Variants in CYSLTR2 observed in about 807,000 individuals in gnomAD.
CYSLTR2 encodes cysteinyl leukotriene receptor 2, also known as G-protein coupled receptor GPCR21.
For missense variants in CYSLTR2, 398 were observed against 411.9 expected, an observed-to-expected ratio of 0.97 and a Z score of 0.29; for synonymous variants, 179 against 160.8, an observed-to-expected ratio of 1.11 and a Z score of -0.86.
In CYSLTR2 at chr13:48,707,877, C is replaced by A. The variant is rs1483645185; in HGVS notation, c.*19C>A. Reference sequence around the variant, plus strand: ...AGTATAAGGAGCTCTTAGATGAGACCTGTTCTTGTATCCTTGTGTCCATCT... The same window carrying A: ...AGTATAAGGAGCTCTTAGATGAGACATGTTCTTGTATCCTTGTGTCCATCT... On this transcript the variant is annotated 3_prime_UTR_variant, in exon 5 of 5. Transcript: ENST00000682523. The A allele has an allele frequency of 6.7e-7, 1 of 1,500,290 alleles. No homozygotes were observed. Among genetic ancestry groups the A allele is most frequent in the East Asian group, 2.3e-5 (1 of 43,840 alleles). The allele number at this position is 1,500,290 out of a possible 1,614,324, so 92.9% of individuals were successfully genotyped here. A position where few individuals can be genotyped will look rare whatever the true frequency, so the allele number is the denominator to read the frequency against.
At position 48,680,795 on chromosome 13, in the gene CYSLTR2, CTTTTCTT is replaced by C. The variant is rs1375288419; in HGVS notation, c.-265-10412_-265-10406del. 1.2e-3 allele frequency among the ~76,000 whole-genome samples: 128 copies of C among 110,572 alleles called. No individual in the cohort carries two copies. In the Middle Eastern group the frequency reaches 0.021, roughly 18 times the overall value. 72.5% of individuals were successfully genotyped at this position (110,572 alleles called of 152,430 possible). A position where few individuals can be genotyped will look rare whatever the true frequency, so the allele number is the denominator to read the frequency against. ...TTCTTTTCTTTCTTTCTTTTCTTTT[CTTTTCTT>C]TTTTTTTTTTTTTTTTTTGCAGTCT... On this transcript the variant is annotated intron_variant, in intron 1 of 4. Transcript: ENST00000682523.
intron 1 of CYSLTR2, among the ~76,000 whole-genome samples, chr13:48,669,394 A>G (rs2138843911): frequency 6.6e-6 from 1 of 152,050 alleles, no homozygotes; most frequent in South Asian, 2.1e-4. Context: ...CATCCTCTAC[A>G]TTAGGTATTT....
At chr13:48,681,569 C>T (rs1448175892) in intron 1 of CYSLTR2, among the ~76,000 whole-genome samples, 1 of 152,162 alleles carries the variant, frequency 6.6e-6, no homozygotes, top group East Asian at 1.9e-4. Context: ...TGTTTTTGGT[C>T]TACCTGCTCC....
At chr13:48,654,249 CTTTGTGTGTGTGTGTGTG>C (rs1470901255) in intron 1 of CYSLTR2, among the ~76,000 whole-genome samples, 1 of 132,172 alleles carries the variant, frequency 7.6e-6, no homozygotes, top group African/African-American at 2.8e-5. Flanking sequence ...GGGATCGTCC[CTTTGTGTGTGTGTGTGTG>C]TGTGTGTGTG....
intron 4 of CYSLTR2, among the ~76,000 whole-genome samples, chr13:48,700,861 AACAG>A (rs890251804): frequency 2.0e-5 from 3 of 152,210 alleles, no homozygotes; most frequent in African/African-American, 7.2e-5. Context: ...ATATGCTAAT[AACAG>A]ACAAACAAAG....
chr13:48,686,853 A>G (rs1408712994), intron 1 of CYSLTR2, among the ~76,000 whole-genome samples: 2 of 152,198 alleles, frequency 1.3e-5, no homozygotes, highest in Non-Finnish European at 2.9e-5. Context: ...CATTGCTTGC[A>G]TAGTCAAGTC....
Position 48,704,841 on chromosome 13 carries a change from G to A in CYSLTR2, c.-1-1976G>A, listed in dbSNP as rs78137137. ...TTATTTCAATTATTTGAAATCTATC[G>A]AGGTTTGTTTTATGTCCCAGGATGT... is the stretch of plus-strand genomic sequence containing the variant. On this transcript the variant is annotated intron_variant, in intron 4 of 4. Coordinates refer to ENST00000682523, the MANE Select transcript of CYSLTR2 (RefSeq NM_001308476.3). Among the ~76,000 whole-genome samples the A allele has an allele frequency of 4.7e-3, 710 of 152,166 alleles. 8 individuals carry two copies. Among genetic ancestry groups the A allele is most frequent in the African/African-American group, 0.014 (578 of 41,490 alleles).
intron 1 of CYSLTR2, among the ~76,000 whole-genome samples, chr13:48,659,784 A>C (rs996174786): frequency 1.3e-5 from 2 of 152,206 alleles, no homozygotes; most frequent in Non-Finnish European, 2.9e-5. Flanking sequence ...TCTTCCTTAG[A>C]TCAGACATTT....
intron 1 of CYSLTR2, among the ~76,000 whole-genome samples, chr13:48,678,456 C>G (rs147578561): frequency 6.6e-6 from 1 of 152,266 alleles, no homozygotes; most frequent in African/African-American, 2.4e-5. Context: ...CTTCTCTCTG[C>G]CTGTCCCTTA....
intron 1 of CYSLTR2, among the ~76,000 whole-genome samples, chr13:48,687,234 C>T (rs1170492163): frequency 1.3e-5 from 2 of 152,188 alleles, no homozygotes; most frequent in Admixed American, 6.5e-5. Context: ...CTGAGCCACA[C>T]TGTTAGCATT....
chr13:48,704,603 T>G lies in CYSLTR2; in HGVS notation c.-1-2214T>G, dbSNP rs562561443. 3.3e-5 allele frequency among the ~76,000 whole-genome samples: 5 copies of G among 152,310 alleles called. No individual in the cohort carries two copies. In the South Asian group the frequency reaches 1.0e-3, roughly 32 times the overall value. The stretch of plus-strand genomic sequence containing the variant: ...GTATGAATTTAGTGTTATACAGTTT[T>G]GTCCTAATACTGCATTTGCTACATC... On this transcript the variant is annotated intron_variant, in intron 4 of 4. Coordinates refer to ENST00000682523, the MANE Select transcript of CYSLTR2 (RefSeq NM_001308476.3).
At chr13:48,670,411 G>A (rs1033097364) in intron 1 of CYSLTR2, among the ~76,000 whole-genome samples, 3 of 152,098 alleles carry the variant, frequency 2.0e-5, no homozygotes, top group South Asian at 4.1e-4. Context: ...ATGGTTTTAG[G>A]TCTTATGTTT....
At position 48,675,377 on chromosome 13, in the gene CYSLTR2, C is replaced by T. The variant is rs138917012; in HGVS notation, c.-265-15835C>T. On this transcript the variant is annotated intron_variant, in intron 1 of 4. Transcript: ENST00000682523. ...ATCTAGACAGGCAGTCTGGCTATAG[C>T]AACTTTGCTGTGCTATGGTGGGCTC... Among the ~76,000 whole-genome samples, 1,013 of 152,264 alleles carry T rather than the reference C, an allele frequency of 6.7e-3. 13 individuals are homozygous for T. Among genetic ancestry groups the T allele is most frequent in the Admixed American group, 8.2e-3 (125 of 15,296 alleles).
In CYSLTR2 at chr13:48,710,835, T is replaced by A. The variant is rs1954614671; in HGVS notation, c.*2977T>A. 6.6e-6 allele frequency: 1 copy of A among 152,178 alleles called. No homozygotes were observed. The highest frequency in any genetic ancestry group is 1.5e-5 in the Non-Finnish European group (1 of 68,020). 9.4% of individuals were successfully genotyped at this position (152,178 alleles called of 1,614,324 possible). On this transcript the variant is annotated 3_prime_UTR_variant, in exon 5 of 5. Coordinates refer to ENST00000682523, the MANE Select transcript of CYSLTR2 (RefSeq NM_001308476.3). ...TATTTGGGTTTGGTGCTATTCGTAT[T>A]CAGGGTCTTGGAATGCAACTCCCAC...
At chr13:48,695,111 A>G (rs944907498) in intron 3 of CYSLTR2, among the ~76,000 whole-genome samples, 1 of 100,700 alleles carries the variant, frequency 9.9e-6, no homozygotes, top group Non-Finnish European at 1.8e-5. Flanking sequence ...GTCTCACTCC[A>G]TCACCCAGGC....
intron 4 of CYSLTR2, among the ~76,000 whole-genome samples, chr13:48,700,480 T>C (rs1954311869): frequency 6.6e-6 from 1 of 152,272 alleles, no homozygotes; most frequent in South Asian, 2.1e-4. Context: ...CCCTTCATGC[T>C]AAAAAGTGTC....
At chr13:48,659,639 A>G (rs1254558033) in intron 1 of CYSLTR2, among the ~76,000 whole-genome samples, 2 of 152,226 alleles carry the variant, frequency 1.3e-5, no homozygotes, top group Non-Finnish European at 2.9e-5. Flanking sequence ...GATTATGGAC[A>G]GGGAGGACCC....
At position 48,709,140 on chromosome 13, in the gene CYSLTR2, T is replaced by A. The variant is rs200170610; in HGVS notation, c.*1282T>A. 17 of 167,100 alleles carry A rather than the reference T, an allele frequency of 1.0e-4. No homozygotes were observed. Among genetic ancestry groups the A allele is most frequent in the Admixed American group, 4.6e-4 (7 of 15,286 alleles). The allele number at this position is 167,100 out of a possible 1,614,324, so 10.4% of individuals were successfully genotyped here. On this transcript the variant is annotated 3_prime_UTR_variant, in exon 5 of 5. Transcript: ENST00000682523. ...TTTTAAAAATCTCTGTGCAGAAGTGTTGGCTGGGTGCTCTCCCCACCACTA... is the reference window on the plus strand; with the variant it reads ...TTTTAAAAATCTCTGTGCAGAAGTGATGGCTGGGTGCTCTCCCCACCACTA...
chr13:48,677,791 A>T (rs1192977846), intron 1 of CYSLTR2, among the ~76,000 whole-genome samples: 3 of 151,190 alleles, frequency 2.0e-5, no homozygotes, highest in Non-Finnish European at 4.4e-5. Flanking sequence ...TTCTTTTTTT[A>T]TTATTAGCTT....
Sources: allele counts gnomAD v4.1 joint callset (sites outside exome capture counted in the v4.1 genomes callset), GRCh38; gene constraint gnomAD v4.1.1; transcripts MANE v1.5; gene names NCBI Gene and HGNC (gene_info 2026-07-23, HGNC 2026-07-21).